Variants in ATR observed in about 807,000 individuals in gnomAD.
ATR encodes ATR checkpoint kinase.
Under a neutral mutation model 305.3 loss-of-function variants are expected in ATR, and 142 were observed. The ratio of observed to expected loss-of-function variants is 0.47; its 90% CI spans 0.41 to 0.53. ATR has a LOEUF of 0.53. Ranked by LOEUF, ATR falls within the 20% of genes least tolerant of loss-of-function variation. The pLI, the probability that ATR is intolerant of heterozygous loss-of-function variation, is 0.00. For synonymous variants in ATR, 1,050 were observed against 1,068.1 expected, an observed-to-expected ratio of 0.98 and a Z score of 0.33; for missense variants, 2,135 against 3,133.1, an observed-to-expected ratio of 0.68 and a Z score of 7.60.
chr3:142,479,986 G>C (rs555101156), intron 36 of ATR, among the ~76,000 whole-genome samples: 2 of 152,068 alleles, frequency 1.3e-5, no homozygotes, highest in African/African-American at 4.8e-5. Context: ...TCAGCCATTC[G>C]TCTAATCTTT....
chr3:142,543,589 C>A lies in ATR; in HGVS notation c.3358-832G>T, dbSNP rs140982854. On this transcript the variant is annotated intron_variant, in intron 16 of 46. Coordinates refer to ENST00000350721, the MANE Select transcript of ATR (RefSeq NM_001184.4). ...CCTCCCTCCCTCTTTCTTTTTCTTTCTTTCCTCCTCTTTTTTCTTAGAGTT... is the reference window on the plus strand; with the variant it reads ...CCTCCCTCCCTCTTTCTTTTTCTTTATTTCCTCCTCTTTTTTCTTAGAGTT... Among the ~76,000 whole-genome samples, 280 of 150,874 alleles carry A rather than the reference C, an allele frequency of 1.9e-3. 1 individual carries two copies. The highest frequency in any genetic ancestry group is 6.5e-3 in the African/African-American group (269 of 41,130).
chr3:142,556,404 T>C lies in ATR; in HGVS notation c.2057A>G (p.Asn686Ser). ...FILLQQQNSCNRVPKILIDKV... is the reference protein window; with the variant it reads ...FILLQQQNSCSRVPKILIDKV... ...ATACATAAGAATCTTGGGAACTCTG[T>C]TACAAGAATTCTGCTGCTGCAATAA... is the stretch of plus-strand genomic sequence containing the variant. Residue 686 changes from asparagine (N) to serine (S), a missense_variant, in exon 9 of 47, where the codon AAC (asparagine) becomes AGC (serine). This residue lies in a region of ATR where 744 missense variants were observed against 873.2 expected (regional missense o/e 0.85). Transcript: ENST00000350721. 2 of 1,614,022 alleles carry C rather than the reference T, an allele frequency of 1.2e-6. No homozygotes were observed. The highest frequency in any genetic ancestry group is 2.2e-5 in the South Asian group (2 of 91,084).
intron 1 of ATR, among the ~76,000 whole-genome samples, chr3:142,575,201 C>G (rs111425779): frequency 0.018 from 2,731 of 152,276 alleles, 29 homozygotes; most frequent in South Asian, 0.041. Context: ...GTGCTCCAGC[C>G]TTCTTACTAT....
intron 31 of ATR, 141 bp from the exon 32 acceptor site, chr3:142,498,915 C>G (rs561120787): frequency 1.2e-6 from 1 of 830,744 alleles, no homozygotes; most frequent in African/African-American, 1.7e-5. Context: ...GAGTCTCACT[C>G]TGTGGTCCAG....
chr3:142,519,611 A>G, intron 24 of ATR, 58 bp downstream of exon 24: 1 of 1,459,182 alleles, frequency 6.9e-7, no homozygotes, highest in Non-Finnish European at 9.5e-7. Flanking sequence ...AAAAAATCGC[A>G]TTATTTTTAT....
At chr3:142,519,955 G>A (rs1348972511) in intron 23 of ATR, among the ~76,000 whole-genome samples, 171 bp from the exon 24 acceptor site, 1 of 151,964 alleles carries the variant, frequency 6.6e-6, no homozygotes, top group African/African-American at 2.4e-5. Context: ...TGTTTTTTTA[G>A]AAATAGAAGG....
chr3:142,548,024 G>T, intron 15 of ATR, 114 bp from the exon 16 acceptor site: 1 of 910,768 alleles, frequency 1.1e-6, no homozygotes, highest in Non-Finnish European at 1.7e-6. Flanking sequence ...CAGATGACAG[G>T]ATTTATTAAA....
At chr3:142,549,767 C>CACATA in intron 14 of ATR, 94 bp from the exon 15 acceptor site, 1 of 1,180,648 alleles carries the variant, frequency 8.5e-7, no homozygotes, top group Admixed American at 2.0e-5. Context: ...TTAAATGCCA[C>CACATA]ACATATTTGG....
At chr3:142,485,093 G>A (rs759329828) in intron 36 of ATR, 47 bp downstream of exon 36, 3 of 1,606,562 alleles carry the variant, frequency 1.9e-6, no homozygotes, top group African/African-American at 2.7e-5. Context: ...AATATTAATA[G>A]TCATCCTTAC....
intron 16 of ATR, among the ~76,000 whole-genome samples, chr3:142,545,113 T>G (rs2034216498): frequency 6.6e-6 from 1 of 152,202 alleles, no homozygotes. Flanking sequence ...ATACTTATTA[T>G]GTATGCCTAG....
chr3:142,547,797 T>C lies in ATR; in HGVS notation c.3285A>G (p.Ser1095=), dbSNP rs2034328063. The change falls in exon 16 of 47, where the codon TCA becomes TCG. Residue 1095 remains serine, a synonymous_variant. Transcript: ENST00000350721. ...CACTGGATGCAAATGAGGCAAGTAT[T>C]GACAAACCATTAAAAACCTGTTGAT... ...EHYQQVFNGL[S]ILASFASSDD... is the part of the protein sequence containing the mutation. 1 of 1,613,984 alleles carries C rather than the reference T, an allele frequency of 6.2e-7. No individual in the cohort carries two copies. The highest frequency in any genetic ancestry group is 2.2e-5 in the East Asian group (1 of 44,852).
intron 35 of ATR, among the ~76,000 whole-genome samples, chr3:142,489,468 C>T (rs2031151685): frequency 1.3e-5 from 2 of 152,230 alleles, no homozygotes; most frequent in South Asian, 4.1e-4. Flanking sequence ...TGCCGTCACT[C>T]TCCTGCCAAC....
chr3:142,563,645 A>T (rs1390944885), intron 3 of ATR, among the ~76,000 whole-genome samples: 1 of 152,154 alleles, frequency 6.6e-6, no homozygotes. Context: ...AAATTAGGTT[A>T]ATTAATAACC....
intron 21 of ATR, among the ~76,000 whole-genome samples, chr3:142,532,054 CT>C (rs753132804): frequency 1.9e-4 from 29 of 152,158 alleles, no homozygotes; most frequent in Non-Finnish European, 3.5e-4. Flanking sequence ...TAAATGTCTT[CT>C]TTTGAGAAGT....
intron 1 of ATR, among the ~76,000 whole-genome samples, chr3:142,575,468 CAAAA>C (rs72100236): frequency 2.1e-4 from 26 of 122,020 alleles, no homozygotes; most frequent in Admixed American, 3.4e-4. Context: ...GACTCCGTCT[CAAAA>C]AAAAAAAAAA....
chr3:142,477,989 T>C (rs2030031539), intron 36 of ATR, among the ~76,000 whole-genome samples: 2 of 152,232 alleles, frequency 1.3e-5, no homozygotes, highest in Non-Finnish European at 2.9e-5. Context: ...TTTTCTTCTT[T>C]ATTAGTCTAG....
In ATR at chr3:142,547,777, G is replaced by A. The variant is rs1577674865; in HGVS notation, c.3305C>T (p.Ser1102Phe). The part of the protein sequence containing the change: ...NGLSILASFA[S>F]SDDPYQGPRD... ...CGGGCCCTGATATGGATCATCACTG[G>A]ATGCAAATGAGGCAAGTATTGACAA... is the stretch of plus-strand genomic sequence containing the variant. The change falls in exon 16 of 47, where the codon TCC (serine) becomes TTC (phenylalanine). Residue 1102 changes from serine to phenylalanine, a missense_variant. Physicochemically the swap from Ser to Phe is radical, Grantham distance 155. This residue lies in a region of ATR where 530 missense variants were observed against 766.8 expected (regional missense o/e 0.69). Transcript: ENST00000350721. 2 of 1,613,898 alleles carry A rather than the reference G, an allele frequency of 1.2e-6. No individual in the cohort carries two copies. The highest frequency in any genetic ancestry group is 1.7e-6 in the Non-Finnish European group (2 of 1,179,908).
intron 1 of ATR, among the ~76,000 whole-genome samples, chr3:142,568,568 G>A (rs1005892951): frequency 5.3e-5 from 8 of 152,178 alleles, no homozygotes; most frequent in African/African-American, 1.9e-4. Flanking sequence ...TGAGGTGCAA[G>A]ACAGGTGGAA....
chr3:142,451,522 G>T, intron 46 of ATR: 1 of 1,410,414 alleles, frequency 7.1e-7, no homozygotes, highest in South Asian at 1.2e-5. Context: ...AACAGAAAGA[G>T]AACACCAACA....
Sources: gnomAD v4.1 joint callset for allele counts (sites outside exome capture counted in the v4.1 genomes callset) on GRCh38, gnomAD v4.1.1 for gene constraint, gnomAD v4.1.1 regional missense constraint, MANE v1.5 for transcripts, NCBI Gene and HGNC (gene_info 2026-07-23, HGNC 2026-07-21) for gene names.